The following RNF115 variants were observed in gnomAD, a reference collection of about 807,000 sequenced individuals.
RNF115 encodes the protein ring finger protein 115, also known as E3 ubiquitin-protein ligase RNF115.
A neutral mutation model predicts 39.2 loss-of-function variants in RNF115; 31 were observed. The ratio of observed to expected loss-of-function variants is 0.79; its 90% CI spans 0.59 to 1.07. The LOEUF is 1.07. Ranked by LOEUF, RNF115 falls within the 50% of genes least tolerant of loss-of-function variation. RNF115 has a pLI of 0.00. For missense variants in RNF115, 384 were observed against 381.7 expected (o/e 1.01, Z -0.05); for synonymous variants, 124 against 131.0 (o/e 0.95, Z 0.37).
At chr1:145,800,834 G>C (rs1553720785) in intron 1 of RNF115, among the ~76,000 whole-genome samples, 2 of 152,174 alleles carry the variant, frequency 1.3e-5, no homozygotes, top group Admixed American at 1.3e-4. Context: ...GGATAGACTT[G>C]TTAGGCAATA....
At position 145,778,776 on chromosome 1, in the gene RNF115, G is replaced by A. The variant is rs782404387; in HGVS notation, c.219+5763C>T. ...ATCATATTGTATGTACTTTTCAACAGAGGAATGATGTAGCTGATTAGTGAA... is the reference window on the plus strand; with the variant it reads ...ATCATATTGTATGTACTTTTCAACAAAGGAATGATGTAGCTGATTAGTGAA... On this transcript the variant is annotated intron_variant, in intron 3 of 8. Coordinates refer to ENST00000582693, the MANE Select transcript of RNF115 (RefSeq NM_014455.4). 1.1e-4 allele frequency among the ~76,000 whole-genome samples: 17 copies of A among 152,318 alleles called. 1 individual carries two copies. Among genetic ancestry groups the A allele is most frequent in the African/African-American group, 3.8e-4 (16 of 41,564 alleles).
intron 1 of RNF115, among the ~76,000 whole-genome samples, chr1:145,811,922 T>TAC (rs1649742142): frequency 2.7e-5 from 3 of 112,478 alleles, no homozygotes; most frequent in African/African-American, 8.5e-5. Flanking sequence ...TATATATATA[T>TAC]ATATATATAT....
intron 1 of RNF115, among the ~76,000 whole-genome samples, chr1:145,804,609 C>T (rs10752828): frequency 0.036 from 5,534 of 151,862 alleles, 338 homozygotes; most frequent in African/African-American, 0.13. Context: ...GAGATAGTAC[C>T]GGGAATATAC....
At chr1:145,802,597 CTA>C (rs1649297145) in intron 1 of RNF115, among the ~76,000 whole-genome samples, 1 of 152,128 alleles carries the variant, frequency 6.6e-6, no homozygotes, top group Admixed American at 6.6e-5. Context: ...AATTTCACAG[CTA>C]TGTTTTTCTA....
intron 4 of RNF115, among the ~76,000 whole-genome samples, chr1:145,765,649 A>C (rs202016031): frequency 2.3e-5 from 1 of 43,514 alleles, no homozygotes; most frequent in South Asian, 1.1e-3. Context: ...GAATACCCTC[A>C]GTTATAAATT....
intron 1 of RNF115, among the ~76,000 whole-genome samples, chr1:145,799,424 CCTTT>C (rs1571769848): frequency 2.6e-5 from 4 of 152,212 alleles, no homozygotes; most frequent in South Asian, 2.1e-4. Context: ...TTTACTTCTT[CCTTT>C]CTAATTTGGG....
Position 145,771,872 on chromosome 1 carries a change from G to A in RNF115, c.267C>T (p.Pro89=), listed in dbSNP as rs1553715823. ...GGTCCAGTGGACTGCTACTTAGAAA[G>A]GGTCTAAAATCTTGAAAAAACATCG... The part of the protein sequence containing the change: ...DHTMFFQDFR[P]FLSSSPLDQD... Residue 89 remains proline, a synonymous_variant, in exon 4 of 9, where the codon CCC becomes CCT. Coordinates refer to ENST00000582693, the MANE Select transcript of RNF115 (RefSeq NM_014455.4). 1.2e-6 allele frequency: 2 copies of A among 1,614,042 alleles called. No homozygotes were observed. Among genetic ancestry groups the A allele is most frequent in the East Asian group, 2.2e-5 (1 of 44,880 alleles).
Position 145,746,953 on chromosome 1 carries a change from G to C in RNF115, c.828C>G (p.Asp276Glu), listed in dbSNP as rs774535104. 9 of 1,613,980 alleles carry C rather than the reference G, an allele frequency of 5.6e-6. No individual in the cohort carries two copies. The highest frequency in any genetic ancestry group is 7.6e-6 in the Non-Finnish European group (9 of 1,179,936). Residue 276 changes from aspartate (D) to glutamate (E), a missense_variant, in exon 9 of 9, where the codon GAC becomes GAG. Coordinates refer to ENST00000582693, the MANE Select transcript of RNF115 (RefSeq NM_014455.4). ...CAGTGCTCTGGCTTTGCCGAGTAGA[G>C]TCCTCACCATTTAAGCTCTTCCTAC... ...PVCRKSLNGE[D>E]STRQSQSTEA...
chr1:145,764,113 G>T (rs942352202), intron 4 of RNF115, among the ~76,000 whole-genome samples: 4 of 152,208 alleles, frequency 2.6e-5, no homozygotes, highest in African/African-American at 7.2e-5. Context: ...ACTGGGTTTC[G>T]CTGTGTTGGC....
intron 3 of RNF115, among the ~76,000 whole-genome samples, chr1:145,782,267 G>A (rs1648182175): frequency 6.6e-6 from 1 of 152,110 alleles, no homozygotes; most frequent in Admixed American, 6.5e-5. Flanking sequence ...TTCAGGCAAG[G>A]CAACCATGAC....
At position 145,739,877 on chromosome 1, in the gene RNF115, G is replaced by A. The variant is rs587596889; in HGVS notation, c.*6989C>T. On this transcript the variant is annotated 3_prime_UTR_variant, in exon 9 of 9. Transcript: ENST00000582693. ...TTACAGGCGTGAGCCACCTCACCCA[G>A]TGCAAATGAGGTTTTGAGATGCTAT... The A allele has an allele frequency of 9.0e-4, 137 of 152,416 alleles. 1 individual carries two copies. The highest frequency in any genetic ancestry group is 3.1e-3 in the African/African-American group (129 of 41,600). 9.4% of individuals were successfully genotyped at this position (152,416 alleles called of 1,614,324 possible). A position where few individuals can be genotyped will look rare whatever the true frequency, so the allele number is the denominator to read the frequency against.
intron 1 of RNF115, among the ~76,000 whole-genome samples, chr1:145,802,353 T>C (rs1009727848): frequency 1.3e-5 from 2 of 152,100 alleles, no homozygotes; most frequent in African/African-American, 2.4e-5. Flanking sequence ...ACTAGAAATA[T>C]AGGAAGGAAA....
At chr1:145,754,288 T>A (rs1658212812) in intron 4 of RNF115, among the ~76,000 whole-genome samples, 1 of 152,196 alleles carries the variant, frequency 6.6e-6, no homozygotes, top group African/African-American at 2.4e-5. Flanking sequence ...CACAAACTTA[T>A]TTGCAACAAT....
chr1:145,807,856 C>G (rs1048450458), intron 1 of RNF115, among the ~76,000 whole-genome samples: 6 of 152,272 alleles, frequency 3.9e-5, no homozygotes, highest in African/African-American at 1.4e-4. Flanking sequence ...CCTTCACACA[C>G]CCTTCCCAGC....
intron 1 of RNF115, among the ~76,000 whole-genome samples, chr1:145,789,863 A>G (rs1648580719): frequency 6.7e-6 from 1 of 149,924 alleles, no homozygotes; most frequent in Admixed American, 6.7e-5. Flanking sequence ...GCCCCTGGCT[A>G]ATTTTTGTAT....
chr1:145,779,909 T>A (rs1217698117), intron 3 of RNF115, among the ~76,000 whole-genome samples: 1 of 150,560 alleles, frequency 6.6e-6, no homozygotes, highest in Non-Finnish European at 1.5e-5. Context: ...GTGATCTGCA[T>A]GCCCGGCCAA....
intron 4 of RNF115, among the ~76,000 whole-genome samples, chr1:145,756,827 GC>G (rs1658312748): frequency 2.4e-5 from 2 of 81,828 alleles, no homozygotes; most frequent in African/African-American, 5.0e-5. Context: ...CAAATTTCTA[GC>G]TTCTTTTTTT....
In RNF115 at chr1:145,787,809, A is replaced by G. The variant is rs142346982; in HGVS notation, c.161+1099T>C. 6.8e-4 allele frequency among the ~76,000 whole-genome samples: 103 copies of G among 152,230 alleles called. 1 individual carries two copies. In the East Asian group the frequency reaches 0.018, roughly 26 times the overall value. The stretch of plus-strand genomic sequence containing the variant: ...CAAGCTGAGGCCCAAGAATCATTTG[A>G]ACCTGGGAGGCAGAGGTTGCAGTGA... On this transcript the variant is annotated intron_variant, in intron 2 of 8. Coordinates refer to ENST00000582693, the MANE Select transcript of RNF115 (RefSeq NM_014455.4).
chr1:145,779,349 T>C (rs1231363068), intron 3 of RNF115, among the ~76,000 whole-genome samples: 4 of 152,066 alleles, frequency 2.6e-5, no homozygotes, highest in African/African-American at 9.7e-5. Context: ...TTTTTATTTT[T>C]ATTTTTGTAG....
Sources: allele counts gnomAD v4.1 joint callset (sites outside exome capture counted in the v4.1 genomes callset), GRCh38; gene constraint gnomAD v4.1.1; transcripts MANE v1.5; gene names NCBI Gene and HGNC (gene_info 2026-07-23, HGNC 2026-07-21).